PRR5L: variants seen among roughly 807,000 people sequenced by gnomAD.
The protein encoded by PRR5L is proline rich 5 like, also known as proline-rich protein 5-like.
PRR5L carries 21 observed loss-of-function variants against 36.4 expected under a neutral mutation model. The ratio of observed to expected loss-of-function variants is 0.58; its 90% CI spans 0.41 to 0.83. The LOEUF (loss-of-function observed/expected upper bound fraction) is 0.83, where lower values mean the gene tolerates loss of function less well. Among genes scored for constraint, PRR5L ranks in the 40% least tolerant of loss-of-function variants. The probability of loss-of-function intolerance (pLI) is 0.00; values close to 1 mark genes in which losing one functional copy is unlikely to be tolerated. For missense variants in PRR5L, 381 were observed against 473.3 expected (o/e 0.80, Z 1.81); for synonymous variants, 188 against 197.0 (o/e 0.95, Z 0.38).
intron 3 of PRR5L, 65 bp downstream of exon 3, chr11:36,403,443 C>T: frequency 1.6e-6 from 2 of 1,258,240 alleles, no homozygotes; most frequent in Admixed American, 1.9e-5. Context: ...ATAGGGGCTA[C>T]CGCCTTAGGA....
At chr11:36,310,758 G>C (rs969711500) in intron 1 of PRR5L, among the ~76,000 whole-genome samples, 6 of 152,032 alleles carry the variant, frequency 3.9e-5, no homozygotes, top group South Asian at 2.1e-4. Flanking sequence ...CAGCACTTTG[G>C]GGGGCCGAGG....
intron 7 of PRR5L, among the ~76,000 whole-genome samples, chr11:36,449,269 C>T (rs1007943122): frequency 3.3e-5 from 5 of 152,176 alleles, no homozygotes; most frequent in African/African-American, 1.2e-4. Flanking sequence ...TTTGGGCCTC[C>T]GTACTTAGAA....
chr11:36,376,435 G>A (rs1857262879), intron 1 of PRR5L: 1 of 1,148,084 alleles, frequency 8.7e-7, no homozygotes. Flanking sequence ...GGAGCTCCGC[G>A]GCCGAAGCGT....
chr11:36,351,376 A>G (rs1856946811), intron 1 of PRR5L, among the ~76,000 whole-genome samples: 2 of 85,652 alleles, frequency 2.3e-5, no homozygotes, highest in Admixed American at 4.3e-4. Flanking sequence ...ATATATACAT[A>G]TATATCAAAT....
chr11:36,427,956 C>G (rs1858416096), intron 4 of PRR5L, among the ~76,000 whole-genome samples: 1 of 152,238 alleles, frequency 6.6e-6, no homozygotes, highest in African/African-American at 2.4e-5. Flanking sequence ...ACTGGGCACT[C>G]TTGGTACCTA....
At chr11:36,398,598 C>G (rs1294493814) in intron 1 of PRR5L, 3 of 152,232 alleles carry the variant, frequency 2.0e-5, no homozygotes, top group Non-Finnish European at 4.4e-5. Context: ...TCAGTGGCAA[C>G]TCGTTGTGTG....
At chr11:36,324,122 G>A (rs1856637912) in intron 1 of PRR5L, among the ~76,000 whole-genome samples, 1 of 152,100 alleles carries the variant, frequency 6.6e-6, no homozygotes, top group African/African-American at 2.4e-5. Context: ...ATTCCTAATA[G>A]TCCCTAACTT....
At chr11:36,352,540 G>T (rs1294738185) in intron 1 of PRR5L, among the ~76,000 whole-genome samples, 2 of 152,126 alleles carry the variant, frequency 1.3e-5, no homozygotes, top group South Asian at 2.1e-4. Context: ...CAGATGAAAA[G>T]TTGAGCCCAG....
chr11:36,396,859 T>G (rs758697317), intron 1 of PRR5L, among the ~76,000 whole-genome samples: 1 of 152,162 alleles, frequency 6.6e-6, no homozygotes, highest in Non-Finnish European at 1.5e-5. Flanking sequence ...TATGCCAGCT[T>G]ATTTATCTCA....
chr11:36,401,882 C>T (rs981574069), intron 2 of PRR5L, among the ~76,000 whole-genome samples: 3 of 152,204 alleles, frequency 2.0e-5, no homozygotes, highest in African/African-American at 7.2e-5. Context: ...ACTATTCATG[C>T]TCATTAGTCA....
At chr11:36,393,313 A>T (rs1184004837) in intron 1 of PRR5L, among the ~76,000 whole-genome samples, 1 of 152,156 alleles carries the variant, frequency 6.6e-6, no homozygotes, top group African/African-American at 2.4e-5. Flanking sequence ...TCATAGTATA[A>T]GGTCTTAGGT....
At chr11:36,351,451 ATATATT>A (rs1247766074) in intron 1 of PRR5L, among the ~76,000 whole-genome samples, 1 of 50,110 alleles carries the variant, frequency 2.0e-5, no homozygotes, top group African/African-American at 7.0e-5. Context: ...ATATATATTT[ATATATT>A]TATATATTTA....
rs74440515 is a variant in PRR5L at position 36,367,527 on chromosome 11, G to A, written c.-125-33470G>A. Among the ~76,000 whole-genome samples the A allele has an allele frequency of 3.8e-3, 580 of 152,250 alleles. 3 individuals carry two copies. The highest frequency in any genetic ancestry group is 6.0e-3 in the Non-Finnish European group (408 of 68,016). On this transcript the variant is annotated intron_variant, in intron 1 of 8. Coordinates refer to ENST00000530639, the MANE Select transcript of PRR5L (RefSeq NM_001160167.2). ...GAACTGTCCTTAAATGGTACTACCA[G>A]GTCTCAGTCCAAACCTTAGCCTTTT...
intron 4 of PRR5L, among the ~76,000 whole-genome samples, chr11:36,421,915 A>G (rs1228115217): frequency 1.3e-5 from 2 of 152,238 alleles, no homozygotes; most frequent in Admixed American, 1.3e-4. Flanking sequence ...GTCTTCAGCT[A>G]GGGATGCTGA....
chr11:36,325,047 G>GCTTC (rs1856646789), intron 1 of PRR5L, among the ~76,000 whole-genome samples: 1 of 152,200 alleles, frequency 6.6e-6, no homozygotes, highest in South Asian at 2.1e-4. Flanking sequence ...GCGGCAGGTC[G>GCTTC]CTTCCAACAT....
intron 1 of PRR5L, among the ~76,000 whole-genome samples, chr11:36,312,278 T>C (rs575636947): frequency 2.0e-5 from 3 of 152,290 alleles, no homozygotes; most frequent in South Asian, 4.1e-4. Context: ...TCATGAGTCA[T>C]CAGAGTGTAT....
rs375583647 is a variant in PRR5L at position 36,446,410 on chromosome 11, G to A, written c.555G>A (p.Ser185=). 46 of 1,614,116 alleles carry A rather than the reference G, an allele frequency of 2.8e-5. No individual in the cohort carries two copies. The East Asian group carries it at 4.0e-4, about 14-fold the overall frequency. ...TGCTGGCCCAGTCCAAGCTGCCCTC[G>A]TCCATTGTCCAGATGTTGCTCATCC... ...LLLLAQSKLP[S]SIVQMLLILQ... Residue 185 remains serine, a synonymous_variant, in exon 7 of 9, where the codon TCG becomes TCA. Coordinates refer to ENST00000530639, the MANE Select transcript of PRR5L (RefSeq NM_001160167.2).
At position 36,462,613 on chromosome 11, in the gene PRR5L, C is replaced by G. The variant is rs1193403862; in HGVS notation, c.984C>G (p.Ser328Arg). 2 of 1,612,498 alleles carry G rather than the reference C, an allele frequency of 1.2e-6. No homozygotes were observed. The highest frequency in any genetic ancestry group is 8.5e-7 in the Non-Finnish European group (1 of 1,179,948). The change falls in exon 9 of 9, where the codon AGC (serine) becomes AGG (arginine). Residue 328 changes from serine (S) to arginine (R), a missense_variant. By Grantham distance (110) the Ser-to-Arg change is moderately radical (BLOSUM62 -1). Transcript: ENST00000530639. ...SENKCLLLPP[S>R]FPPPHRQCSS... ...ACAAGTGCCTGCTCCTGCCACCCAG[C>G]TTCCCCCCGCCCCACCGGCAGTGCT...
chr11:36,386,106 G>A (rs923818952), intron 1 of PRR5L, among the ~76,000 whole-genome samples: 75 of 152,150 alleles, frequency 4.9e-4, no homozygotes, highest in African/African-American at 1.8e-3. Flanking sequence ...GACTAGTCTG[G>A]GCAACACAGC....
Sources: gnomAD v4.1 joint callset for allele counts (sites outside exome capture counted in the v4.1 genomes callset) on GRCh38, gnomAD v4.1.1 for gene constraint, MANE v1.5 for transcripts, NCBI Gene and HGNC (gene_info 2026-07-23, HGNC 2026-07-21) for gene names.